DGKZ: variants seen among roughly 807,000 people sequenced by gnomAD.
DGKZ encodes the protein DAG kinase zeta.
Under a neutral mutation model 142.5 loss-of-function variants are expected in DGKZ, and 45 were observed. The observed-to-expected ratio is 0.32, with a 90% CI of 0.25 to 0.40. DGKZ has a LOEUF of 0.40. Among genes scored for constraint, DGKZ ranks in the 10% least tolerant of loss-of-function variants. The pLI is 1.00. For missense variants in DGKZ, 755 were observed against 1,306.5 expected, an observed-to-expected ratio of 0.58 and a Z score of 6.51; for synonymous variants, 442 against 527.0, an observed-to-expected ratio of 0.84 and a Z score of 2.21.
chr11:46,371,072 C>T (rs1447481080), intron 6 of DGKZ, among the ~76,000 whole-genome samples: 1 of 152,054 alleles, frequency 6.6e-6, no homozygotes, highest in East Asian at 1.9e-4. Flanking sequence ...GCAACAAGAG[C>T]GAGACTCCAT....
intron 4 of DGKZ, 34 bp downstream of exon 4, chr11:46,368,113 C>G: frequency 6.2e-7 from 1 of 1,608,904 alleles, no homozygotes; most frequent in Non-Finnish European, 8.5e-7. Context: ...CCGCCCCTGC[C>G]CTTTGGGTGC....
Position 46,367,702 on chromosome 11 carries a change from G to A in DGKZ, c.321G>A (p.Gly107=). The change falls in exon 3 of 31, where the codon GGG becomes GGA. Residue 107 remains glycine (G), a synonymous_variant. Coordinates refer to ENST00000527911, the Ensembl canonical transcript of DGKZ. The surrounding 1 kb of genome is among the most constrained non-coding windows in gnomAD (Gnocchi z 4.1). ...TCTGGTTCGAGACCAACGTGTCCGG[G>A]GACTTCTGCTACGTTGGGGAGCAGT... 1 of 1,611,720 alleles carries A rather than the reference G, an allele frequency of 6.2e-7. No individual in the cohort carries two copies.
chr11:46,370,080 G>A, intron 6 of DGKZ, 71 bp downstream of exon 6: 7 of 1,591,766 alleles, frequency 4.4e-6, no homozygotes, highest in Non-Finnish European at 5.2e-6. Flanking sequence ...TGGCCGGTGT[G>A]GCCTGCCGAT....
intron 1 of DGKZ, among the ~76,000 whole-genome samples, chr11:46,353,071 G>A (rs146241916): frequency 4.6e-5 from 7 of 152,368 alleles, no homozygotes; most frequent in African/African-American, 1.7e-4. Context: ...TGAAGAGACA[G>A]GAGTGGCGTT....
intron 1 of DGKZ, chr11:46,362,066 G>C (rs1449736749): frequency 6.6e-6 from 1 of 152,300 alleles, no homozygotes; most frequent in African/African-American, 2.4e-5. Context: ...ACTGGGGAGG[G>C]ACTGGCCTCC....
chr11:46,346,354 G>T (rs1360854025), upstream of DGKZ, among the ~76,000 whole-genome samples: 2 of 152,144 alleles, frequency 1.3e-5, no homozygotes, highest in Non-Finnish European at 2.9e-5. Context: ...GGTTTGGGGA[G>T]GTGGAAGACC....
At chr11:46,361,717 G>A in intron 1 of DGKZ, 1 of 972,322 alleles carries the variant, frequency 1.0e-6, no homozygotes, top group Non-Finnish European at 1.2e-6. Context: ...GTCAAAAGGG[G>A]CCCCCAGCCC....
intron 1 of DGKZ, among the ~76,000 whole-genome samples, chr11:46,334,435 G>A (rs1256840475): frequency 6.6e-6 from 1 of 152,200 alleles, no homozygotes; most frequent in Non-Finnish European, 1.5e-5. Context: ...ACAACCATGG[G>A]GTGTTTGGGA....
At chr11:46,347,372 C>T (rs1440581248), upstream of DGKZ, 1 of 984,154 alleles carries the variant, frequency 1.0e-6, no homozygotes, top group Non-Finnish European at 1.2e-6. This position sits in a 1 kb window ranked among gnomAD's most constrained non-coding sequence, Gnocchi z 6.4. Context: ...GCGCTGCGGG[C>T]CCGGTGCCAC....
At chr11:46,370,128 C>G in intron 6 of DGKZ, 119 bp downstream of exon 6, 3 of 1,278,198 alleles carry the variant, frequency 2.3e-6, no homozygotes, top group Non-Finnish European at 3.4e-6. Context: ...CCGGGGCTGA[C>G]CCTCAGCCTG....
At chr11:46,339,318 A>T (rs1940165649) in intron 1 of DGKZ, among the ~76,000 whole-genome samples, 1 of 152,254 alleles carries the variant, frequency 6.6e-6, no homozygotes, top group South Asian at 2.1e-4. Flanking sequence ...CAGAGATCAC[A>T]TTCTGTCCTG....
intron 1 of DGKZ, among the ~76,000 whole-genome samples, chr11:46,361,313 G>A (rs879544836): frequency 1.9e-4 from 29 of 152,332 alleles, no homozygotes; most frequent in Non-Finnish European, 2.8e-4. Context: ...CTTAGACCTC[G>A]TTCCCAAGCT....
chr11:46,365,660 T>C, intron 1 of DGKZ: 2 of 985,388 alleles, frequency 2.0e-6, no homozygotes, highest in South Asian at 9.4e-5. Flanking sequence ...CTGGGGGTCC[T>C]GTCAGGATTA....
At chr11:46,361,766 G>T in intron 1 of DGKZ, 1 of 802,564 alleles carries the variant, frequency 1.2e-6, no homozygotes, top group Non-Finnish European at 1.5e-6. Flanking sequence ...ATCTGGCTGG[G>T]TGGGTGCGGG....
chr11:46,343,685 C>A (rs1460763867), upstream of DGKZ, among the ~76,000 whole-genome samples: 1 of 152,222 alleles, frequency 6.6e-6, no homozygotes, highest in African/African-American at 2.4e-5. Context: ...CTAACGCATT[C>A]CCCCTGGCTC....
chr11:46,345,180 C>T, upstream of DGKZ: 1 of 1,081,084 alleles, frequency 9.2e-7, no homozygotes, highest in South Asian at 2.8e-5. This position sits in a 1 kb window ranked among gnomAD's most constrained non-coding sequence, Gnocchi z 4.1. Flanking sequence ...CAGATTCCAG[C>T]CCAAGCAAGC....
exon 6 of DGKZ, chr11:46,370,000 C>A: frequency 6.2e-7 from 1 of 1,613,782 alleles, no homozygotes; most frequent in Non-Finnish European, 8.5e-7. Flanking sequence ...AGTGTCGGCA[C>A]TGTGGGAAGG....
Position 46,372,954 on chromosome 11 carries a change from C to T in DGKZ, c.1186-7C>T, listed in dbSNP as rs1944121518. On this transcript the variant is annotated splice_polypyrimidine_tract_variant and splice_region_variant and intron_variant, in intron 13 of 30. Transcript: ENST00000527911. The surrounding 1 kb of genome is among the most constrained non-coding windows in gnomAD (Gnocchi z 5.9). ...ACAGAGGGCTCAGTCCCTGCCTGCT[C>T]CCCCAGGGCTACACAGATGAGCCTG... is the stretch of plus-strand genomic sequence containing the variant. 2 of 1,549,602 alleles carry T rather than the reference C, an allele frequency of 1.3e-6. No homozygotes were observed. The highest frequency in any genetic ancestry group is 2.4e-5 in the East Asian group (1 of 41,062).
intron 1 of DGKZ, chr11:46,364,498 G>T (rs929220340): frequency 8.1e-7 from 1 of 1,235,686 alleles, no homozygotes; most frequent in African/African-American, 1.6e-5. Context: ...ACTATTTGGG[G>T]TCATAAGAGC....
Sources: gnomAD v4.1 joint callset for allele counts (sites outside exome capture counted in the v4.1 genomes callset) on GRCh38, gnomAD v4.1.1 for gene constraint, Gnocchi (gnomAD v3.1) non-coding constraint, MANE v1.5 for transcripts, NCBI Gene and HGNC (gene_info 2026-07-23, HGNC 2026-07-21) for gene names.